EFCAB6: variants seen among roughly 807,000 people sequenced by gnomAD.
EFCAB6 encodes the protein EF-hand calcium binding domain 6.
In EFCAB6, 156 loss-of-function variants were observed where a neutral mutation model predicts 169.8. The observed-to-expected ratio is 0.92, with a 90% confidence interval of 0.81 to 1.05. EFCAB6 has a LOEUF of 1.05. EFCAB6 is among the 50% of genes least tolerant of loss of function. EFCAB6 has a pLI of 0.00. For synonymous variants in EFCAB6, 698 were observed against 676.4 expected (o/e 1.03, Z -0.50); for missense variants, 1,800 against 1,829.1 (o/e 0.98, Z 0.29).
chr22:43,712,319 C>G (rs1483540990), intron 9 of EFCAB6, among the ~76,000 whole-genome samples: 4 of 111,186 alleles, frequency 3.6e-5, no homozygotes, highest in Non-Finnish European at 7.5e-5. Flanking sequence ...CTTCAACCAT[C>G]CCACTTTGTC....
intron 6 of EFCAB6, among the ~76,000 whole-genome samples, chr22:43,740,436 T>C (rs949312173): frequency 1.3e-5 from 2 of 152,168 alleles, no homozygotes; most frequent in African/African-American, 4.8e-5. Context: ...AAGCCTCGTG[T>C]TATGTCTGCA....
intron 17 of EFCAB6, among the ~76,000 whole-genome samples, chr22:43,640,783 T>A (rs1392356076): frequency 6.6e-6 from 1 of 152,200 alleles, no homozygotes; most frequent in Admixed American, 6.5e-5. Context: ...AATTACTGAT[T>A]TATTGACTTA....
At chr22:43,772,276 G>GA (rs1388475767) in intron 4 of EFCAB6, among the ~76,000 whole-genome samples, 1 of 152,066 alleles carries the variant, frequency 6.6e-6, no homozygotes. Flanking sequence ...TTGATGAAGG[G>GA]AAAAAATGCC....
chr22:43,581,697 G>C (rs2050737657), intron 24 of EFCAB6, among the ~76,000 whole-genome samples: 2 of 152,192 alleles, frequency 1.3e-5, no homozygotes. Context: ...CCGGTAAGGT[G>C]GAGACAGAAG....
Position 43,735,882 on chromosome 22 carries a change from T to G in EFCAB6, c.619A>C (p.Lys207Gln), listed in dbSNP as rs1388822698. ...TTTTCGTATTCCTCGTCTCTTAACT[T>G]CATACAGAAGGTCTCCAGAACCCTT... ...LRRVLETFCM[K>Q]LRDEEYEKFS... Residue 207 changes from lysine to glutamine, a missense_variant, in exon 7 of 32, where the codon AAG (lysine) becomes CAG (glutamine). Physicochemically the swap from Lys to Gln is moderately conservative, Grantham distance 53. Coordinates refer to ENST00000262726, the MANE Select transcript of EFCAB6 (RefSeq NM_022785.4). The G allele has an allele frequency of 6.2e-7, 1 of 1,613,872 alleles. No individual in the cohort carries two copies. The highest frequency in any genetic ancestry group is 8.5e-7 in the Non-Finnish European group (1 of 1,180,010).
chr22:43,723,993 C>T (rs895457526), intron 8 of EFCAB6, among the ~76,000 whole-genome samples: 1 of 152,226 alleles, frequency 6.6e-6, no homozygotes, highest in African/African-American at 2.4e-5. Flanking sequence ...CCATGAGTCA[C>T]TTAGCCACAT....
At chr22:43,784,549 G>T (rs1235155060) in intron 2 of EFCAB6, among the ~76,000 whole-genome samples, 2 of 77,932 alleles carry the variant, frequency 2.6e-5, no homozygotes, top group African/African-American at 4.5e-5. Flanking sequence ...GTGTGTATAT[G>T]TATATATACA....
chr22:43,681,227 T>C (rs9614258), intron 12 of EFCAB6, among the ~76,000 whole-genome samples: 34,635 of 152,220 alleles, frequency 0.23, 5,175 homozygotes, highest in East Asian at 0.62. Flanking sequence ...CATGTAGTTC[T>C]GTTCCTCACT....
intron 6 of EFCAB6, among the ~76,000 whole-genome samples, chr22:43,747,876 C>T (rs2060620953): frequency 6.6e-6 from 1 of 152,196 alleles, no homozygotes; most frequent in East Asian, 1.9e-4. Flanking sequence ...TCTCAGCTGT[C>T]AGTATGAGCA....
intron 24 of EFCAB6, among the ~76,000 whole-genome samples, chr22:43,588,645 C>T (rs2051240929): frequency 1.3e-5 from 2 of 151,878 alleles, no homozygotes; most frequent in African/African-American, 4.8e-5. Context: ...GGGAGGAATT[C>T]ATTAATAAAA....
At chr22:43,532,593 T>A (rs1172406958) in intron 30 of EFCAB6, among the ~76,000 whole-genome samples, 1 of 152,202 alleles carries the variant, frequency 6.6e-6, no homozygotes, top group East Asian at 1.9e-4. Context: ...TTTTTTTTTT[T>A]TTATTGTAAA....
At chr22:43,666,963 A>T (rs2057290427) in intron 17 of EFCAB6, 141 bp downstream of exon 17, 1 of 1,164,418 alleles carries the variant, frequency 8.6e-7, no homozygotes, top group Non-Finnish European at 1.2e-6. Flanking sequence ...CCAAAAAAAA[A>T]AATCCTTTTA....
intron 24 of EFCAB6, among the ~76,000 whole-genome samples, chr22:43,583,757 A>G (rs1485667354): frequency 6.6e-6 from 1 of 152,138 alleles, no homozygotes; most frequent in African/African-American, 2.4e-5. Flanking sequence ...ATGATCCAGG[A>G]CATTTTCAGC....
At chr22:43,712,939 TA>T (rs1006535240) in intron 9 of EFCAB6, among the ~76,000 whole-genome samples, 12 of 152,018 alleles carry the variant, frequency 7.9e-5, no homozygotes, top group Admixed American at 3.9e-4. Flanking sequence ...AGCCTTTGTT[TA>T]AAAAAAATGC....
At chr22:43,764,108 A>G (rs914455845) in intron 5 of EFCAB6, among the ~76,000 whole-genome samples, 1 of 152,144 alleles carries the variant, frequency 6.6e-6, no homozygotes, top group Non-Finnish European at 1.5e-5. Context: ...GGTTTGTTAC[A>G]TAGGTATACT....
rs1274302610 is a variant in EFCAB6 at position 43,628,299 on chromosome 22, A to G, written c.2233-1620T>C. On this transcript the variant is annotated intron_variant, in intron 19 of 31. Transcript: ENST00000262726. This position sits in a 1 kb window ranked among gnomAD's most constrained non-coding sequence, Gnocchi z 4.8. ...TGAGCCCTCGCTTCCTCTCACACCC[A>G]CATCCAGTCTGCCCACACATCCCGC... Among the ~76,000 whole-genome samples, 4 of 151,776 alleles carry G rather than the reference A, an allele frequency of 2.6e-5. No individual in the cohort carries two copies. Among genetic ancestry groups the G allele is most frequent in the Admixed American group, 6.6e-5 (1 of 15,238 alleles).
intron 26 of EFCAB6, among the ~76,000 whole-genome samples, chr22:43,561,218 G>A (rs1446089789): frequency 1.3e-4 from 19 of 151,964 alleles, no homozygotes; most frequent in Admixed American, 1.2e-3. Context: ...TTAGCCAGGC[G>A]TGGTGGCGGG....
intron 4 of EFCAB6, among the ~76,000 whole-genome samples, chr22:43,772,241 C>G (rs772148063): frequency 1.3e-5 from 2 of 152,162 alleles, no homozygotes; most frequent in African/African-American, 2.4e-5. Flanking sequence ...TTGGCTCTAG[C>G]ATAAAGCCAA....
intron 3 of EFCAB6, among the ~76,000 whole-genome samples, chr22:43,773,778 C>T (rs2061553010): frequency 6.6e-6 from 1 of 152,212 alleles, no homozygotes; most frequent in African/African-American, 2.4e-5. Flanking sequence ...ACCTGGGAGG[C>T]TGAGGTTGCG....
Sources: gnomAD v4.1 joint callset for allele counts (sites outside exome capture counted in the v4.1 genomes callset) on GRCh38, gnomAD v4.1.1 for gene constraint, Gnocchi (gnomAD v3.1) non-coding constraint, MANE v1.5 for transcripts, NCBI Gene and HGNC (gene_info 2026-07-23, HGNC 2026-07-21) for gene names.